The following ANOS1 variants were observed in gnomAD, a reference collection of about 807,000 sequenced individuals.
The protein encoded by ANOS1 is anosmin-1.
A neutral mutation model predicts 59.0 loss-of-function variants in ANOS1; 6 were observed. The observed-to-expected ratio is 0.10, with a 90% CI of 0.06 to 0.20. The LOEUF (loss-of-function observed/expected upper bound fraction) is 0.20. ANOS1 is among the 10% of genes least tolerant of loss of function. The pLI is 1.00. For synonymous variants in ANOS1, 217 were observed against 223.4 expected (o/e 0.97, Z 0.25); for missense variants, 433 against 542.3 (o/e 0.80, Z 2.00).
At chrX:8,580,985 G>A (rs900213562) in intron 6 of ANOS1, among the ~76,000 whole-genome samples, 3 of 111,625 alleles carry the variant, frequency 2.7e-5, no homozygotes, top group East Asian at 5.6e-4. Flanking sequence ...CAATTCTGGA[G>A]CAAACAGGGA....
At chrX:8,703,246 G>C (rs955578300) in intron 1 of ANOS1, among the ~76,000 whole-genome samples, 1 of 112,379 alleles carries the variant, frequency 8.9e-6, no homozygotes, top group African/African-American at 3.2e-5. Context: ...TCCTCACAGA[G>C]AAGGCACATT....
At chrX:8,566,014 A>G (rs1190554989) in intron 8 of ANOS1, 2 of 754,527 alleles carry the variant, frequency 2.7e-6, no homozygotes, top group African/African-American at 2.3e-5. Flanking sequence ...TTCTTTCCTC[A>G]CGCTGAGTTC....
rs189540742 is a variant in ANOS1 at position 8,686,779 on chromosome X, C to A, written c.255+12919G>T. ...CCAGCCTGGCCAACATAGCGAAACC[C>A]CCACTCTACTAAAAAAATACAAAAA... is the stretch of plus-strand genomic sequence containing the variant. On this transcript the variant is annotated intron_variant, in intron 2 of 13. Transcript: ENST00000262648. Among the ~76,000 whole-genome samples the A allele has an allele frequency of 2.3e-4, 26 of 110,851 alleles. No individual in the cohort carries two copies. In the East Asian group the frequency reaches 6.8e-3, roughly 29 times the overall value.
chrX:8,600,849 A>G (rs1321151621), intron 3 of ANOS1, among the ~76,000 whole-genome samples: 1 of 112,478 alleles, frequency 8.9e-6, no homozygotes, highest in African/African-American at 3.2e-5. Flanking sequence ...ATACTTAGTT[A>G]CCAAAATCAT....
chrX:8,687,636 C>G (rs1271201986), intron 2 of ANOS1, among the ~76,000 whole-genome samples: 7 of 105,086 alleles, frequency 6.7e-5, no homozygotes, highest in Non-Finnish European at 1.4e-4. Flanking sequence ...ACACTGATTA[C>G]CCAAAGAACA....
chrX:8,663,345 T>C lies in ANOS1; in HGVS notation c.255+36353A>G, dbSNP rs1230310706. 2.7e-5 allele frequency among the ~76,000 whole-genome samples: 3 copies of C among 111,558 alleles called. No homozygotes were observed. In the Admixed American group the frequency reaches 2.9e-4, roughly 11 times the overall value. ...GGATTTTTTTTTCATCATTTAAAAA[T>C]GCAAAACCCATTCTTAGCTCATGAG... On this transcript the variant is annotated intron_variant, in intron 2 of 13. Transcript: ENST00000262648.
rs113763238 is a variant in ANOS1, at chrX:8,664,440, A to G, written c.255+35258T>C. ...AATCTCCTGACCTCGTGATCCGCCC[A>G]CCTTGGCCTCCCAAAGTGCTGGGAT... On this transcript the variant is annotated intron_variant, in intron 2 of 13. Transcript: ENST00000262648. 2.7e-3 allele frequency among the ~76,000 whole-genome samples: 292 copies of G among 109,158 alleles called. 3 individuals carry two copies. The highest frequency in any genetic ancestry group is 9.0e-3 in the African/African-American group (271 of 29,946). The allele number at this position is 109,158 out of a possible 115,157, so 94.8% of individuals were successfully genotyped here.
chrX:8,668,271 G>C (rs1476700808), intron 2 of ANOS1, among the ~76,000 whole-genome samples: 3 of 106,615 alleles, frequency 2.8e-5, no homozygotes, highest in African/African-American at 1.0e-4. Context: ...TTAGGAGTGA[G>C]AATATATGAT....
At chrX:8,729,712 TAAAAAAAAAA>T (rs1173021674) in intron 1 of ANOS1, among the ~76,000 whole-genome samples, 733 of 63,065 alleles carry the variant, frequency 0.012, 10 homozygotes, top group African/African-American at 0.04. Context: ...TTCTAATTAT[TAAAAAAAAAA>T]AAAAAAAAAA....
chrX:8,606,240 T>C (rs186056357), intron 3 of ANOS1, among the ~76,000 whole-genome samples: 17 of 112,574 alleles, frequency 1.5e-4, no homozygotes, highest in African/African-American at 5.5e-4. Context: ...GAATTAAATT[T>C]ACAAAATTAA....
Position 8,688,880 on chromosome X carries a change from A to G in ANOS1, c.255+10818T>C, listed in dbSNP as rs186890232. On this transcript the variant is annotated intron_variant, in intron 2 of 13. Transcript: ENST00000262648. Reference sequence around the variant, plus strand: ...CAGGCTAATGATCACCCAAATGCACACTAATATGTTTGATAAAAGTTCTCA... The same window carrying G: ...CAGGCTAATGATCACCCAAATGCACGCTAATATGTTTGATAAAAGTTCTCA... Among the ~76,000 whole-genome samples, 12 of 111,996 alleles carry G rather than the reference A, an allele frequency of 1.1e-4. No individual in the cohort carries two copies. In the East Asian group the frequency reaches 3.1e-3, roughly 29 times the overall value.
rs760542462 is a variant in ANOS1, at chrX:8,534,454, AATG to A, written c.1846_1848del (p.His616del). 10 of 1,209,752 alleles carry A rather than the reference AATG, an allele frequency of 8.3e-6. No individual in the cohort carries two copies. Among genetic ancestry groups the A allele is most frequent in the Non-Finnish European group, 1.1e-5 (10 of 894,012 alleles). On this transcript the variant is annotated inframe_deletion, in exon 13 of 14. Coordinates refer to ENST00000262648, the MANE Select transcript of ANOS1 (RefSeq NM_000216.4). ...CTCAGATTGGGCACTGTTAGGACAT[AATG>A]ATCCTAAGGGGACAACATAAAAGAG...
chrX:8,554,945 A>G (rs1350804337), intron 8 of ANOS1, among the ~76,000 whole-genome samples: 2 of 111,114 alleles, frequency 1.8e-5, no homozygotes, highest in African/African-American at 6.5e-5. Flanking sequence ...AGCACCATAT[A>G]GCACTTATTC....
chrX:8,553,432 A>G (rs113521036), intron 9 of ANOS1, among the ~76,000 whole-genome samples: 3,893 of 110,969 alleles, frequency 0.035, 177 homozygotes, highest in African/African-American at 0.12. Flanking sequence ...ACAATATAGC[A>G]GCTCAAACAA....
chrX:8,711,616 A>C (rs192455013), intron 1 of ANOS1, among the ~76,000 whole-genome samples: 1 of 112,895 alleles, frequency 8.9e-6, no homozygotes, highest in Non-Finnish European at 1.9e-5. Flanking sequence ...GTTCAGTGAT[A>C]TGACCACTTT....
At chrX:8,536,005 C>T (rs916686724) in intron 11 of ANOS1, among the ~76,000 whole-genome samples, 194 bp from the exon 12 acceptor site, 2 of 110,513 alleles carry the variant, frequency 1.8e-5, no homozygotes, top group African/African-American at 3.3e-5. Flanking sequence ...AATCTCCTCA[C>T]TCCAACTTTG....
At chrX:8,573,643 T>G (rs1930270883) in intron 6 of ANOS1, among the ~76,000 whole-genome samples, 1 of 111,494 alleles carries the variant, frequency 9.0e-6, no homozygotes, top group African/African-American at 3.3e-5. Flanking sequence ...TACCTTCCAG[T>G]AGCTCCACTT....
At chrX:8,676,328 G>A (rs1271041870) in intron 2 of ANOS1, among the ~76,000 whole-genome samples, 4 of 111,812 alleles carry the variant, frequency 3.6e-5, no homozygotes, top group Non-Finnish European at 7.5e-5. Flanking sequence ...GCACATCCCT[G>A]AGTTTTCTTT....
At chrX:8,613,499 T>C (rs183728130) in intron 3 of ANOS1, among the ~76,000 whole-genome samples, 2 of 111,200 alleles carry the variant, frequency 1.8e-5, no homozygotes, top group African/African-American at 6.5e-5. Context: ...ATGCTGGTAT[T>C]ACAGGTGTGA....
Sources: allele counts gnomAD v4.1 joint callset (sites outside exome capture counted in the v4.1 genomes callset), GRCh38; gene constraint gnomAD v4.1.1; transcripts MANE v1.5; gene names NCBI Gene and HGNC (gene_info 2026-07-23, HGNC 2026-07-21).